ABHD11: variants seen among roughly 807,000 people sequenced by gnomAD.
ABHD11 encodes the protein sn-1-specific diacylglycerol lipase ABHD11.
In ABHD11, 26 loss-of-function variants were observed where a neutral mutation model predicts 29.0. The ratio of observed to expected loss-of-function variants is 0.90; its 90% CI spans 0.66 to 1.24. The LOEUF (loss-of-function observed/expected upper bound fraction) is 1.24, where lower values mean the gene tolerates loss of function less well. Among genes scored for constraint, ABHD11 ranks in the 50% most tolerant of loss-of-function variants. The probability of loss-of-function intolerance (pLI) is 0.00; values close to 1 mark genes in which losing one functional copy is unlikely to be tolerated. For missense variants in ABHD11, 381 were observed against 422.4 expected, an observed-to-expected ratio of 0.90 and a Z score of 0.86; for synonymous variants, 169 against 166.4, an observed-to-expected ratio of 1.02 and a Z score of -0.12.
intron 2 of ABHD11, chr7:73,738,081 C>A (rs1554622626): frequency 1.3e-6 from 1 of 780,692 alleles, no homozygotes; most frequent in South Asian, 1.5e-5. Flanking sequence ...CCCTAGTGAA[C>A]AAGCAGGCCC....
rs782310585 is a variant in ABHD11 at position 73,736,946 on chromosome 7, TCCA to T, written c.768_770del (p.Gly257del). 2.2e-5 allele frequency: 36 copies of T among 1,613,486 alleles called. No individual in the cohort carries two copies. Among genetic ancestry groups the T allele is most frequent in the Non-Finnish European group, 3.1e-5 (36 of 1,179,974 alleles). ...TAGCTTACTGCACGAACTGGGAGTT[TCCA>T]CCAAGGAGAAAGAGTGTTGGCCCGA... is the stretch of plus-strand genomic sequence containing the variant. On this transcript the variant is annotated inframe_deletion, in exon 5 of 6. Transcript: ENST00000222800.
chr7:73,738,277 C>T, intron 2 of ABHD11, 51 bp downstream of exon 2: 1 of 1,374,078 alleles, frequency 7.3e-7, no homozygotes, highest in Non-Finnish European at 1.0e-6. Flanking sequence ...CTCTCAGGCC[C>T]CGCCCACTCC....
At chr7:73,737,915 G>T in intron 2 of ABHD11, 180 bp from the exon 3 acceptor site, 1 of 980,238 alleles carries the variant, frequency 1.0e-6, no homozygotes, top group Non-Finnish European at 1.6e-6. Flanking sequence ...CACTCTGCCA[G>T]AGAAGAGCAG....
chr7:73,738,278 C>CCCCCCCAACCCCCCCCCCCCCAAA, intron 2 of ABHD11, 50 bp downstream of exon 2: 1 of 1,395,842 alleles, frequency 7.2e-7, no homozygotes. Context: ...TCTCAGGCCC[C>CCCCCCCAACCCCCCCCCCCCCAAA]GCCCACTCCC....
rs1800272538 is a variant in ABHD11, at chr7:73,738,785, G to C, written c.-15C>G. 1 of 1,596,212 alleles carries C rather than the reference G, an allele frequency of 6.3e-7. No homozygotes were observed. Among genetic ancestry groups the C allele is most frequent in the East Asian group, 2.3e-5 (1 of 44,412 alleles). On this transcript the variant is annotated 5_prime_UTR_variant, in exon 1 of 6. Transcript: ENST00000222800. ...CAGCGGAGCATGCTTGCAAGCTGTTGGCCGGCTCGCATCTCACAAGGTACG... is the reference window on the plus strand; with the variant it reads ...CAGCGGAGCATGCTTGCAAGCTGTTCGCCGGCTCGCATCTCACAAGGTACG...
rs1800013811 is a variant in ABHD11, at chr7:73,737,397, G to A, written c.436-6C>T. 1.6e-5 allele frequency: 25 copies of A among 1,608,754 alleles called. No individual in the cohort carries two copies. The highest frequency in any genetic ancestry group is 2.0e-5 in the Non-Finnish European group (24 of 1,177,126). ...AGACGTTCCACCAGCTCTGGCTGTGGGAGAGAACCGAACTGGGACCAGTCT... is the reference window on the plus strand; with the variant it reads ...AGACGTTCCACCAGCTCTGGCTGTGAGAGAGAACCGAACTGGGACCAGTCT... On this transcript the variant is annotated splice_region_variant and splice_polypyrimidine_tract_variant and intron_variant, in intron 3 of 5. Transcript: ENST00000222800.
Position 73,737,706 on chromosome 7 carries a change from A to G in ABHD11, c.291T>C (p.Gly97=). 1 of 1,613,210 alleles carries G rather than the reference A, an allele frequency of 6.2e-7. No homozygotes were observed. The highest frequency in any genetic ancestry group is 8.5e-7 in the Non-Finnish European group (1 of 1,179,624). The change falls in exon 3 of 6, where the codon GGT becomes GGC. Residue 97 remains glycine (G), a synonymous_variant. Coordinates refer to ENST00000222800, the MANE Select transcript of ABHD11 (RefSeq NM_148912.4). ...TCATGTCTGGGCTGTGGGGGCTGTC[A>G]CCGTGGTTACGAGCATCCACCGTCA... ...RVLTVDARNH[G]DSPHSPDMSY...
At chr7:73,736,802 T>A in intron 5 of ABHD11, 111 bp from the exon 6 acceptor site, 1 of 1,581,454 alleles carries the variant, frequency 6.3e-7, no homozygotes, top group South Asian at 1.2e-5. Flanking sequence ...TGTGAGCCCA[T>A]ATGCCCGGTG....
At chr7:73,737,174 A>G in intron 4 of ABHD11, 47 bp downstream of exon 4, 1 of 1,613,680 alleles carries the variant, frequency 6.2e-7, no homozygotes, top group South Asian at 1.1e-5. Context: ...TCTTCCCTTG[A>G]CAGGTCCTGG....
Position 73,738,357 on chromosome 7 carries a change from TGGC to T in ABHD11, c.229_231del (p.Ala77del), listed in dbSNP as rs781829326. ...CGGCCTGTCTGCTGGGCCAAGATCT[TGGC>T]GATGGAGTTGAAGTTAGTTTTGCTG... On this transcript the variant is annotated inframe_deletion, in exon 2 of 6. Transcript: ENST00000222800. 6.2e-7 allele frequency: 1 copy of T among 1,612,568 alleles called. No homozygotes were observed. Among genetic ancestry groups the T allele is most frequent in the Non-Finnish European group, 8.5e-7 (1 of 1,179,404 alleles).
rs1554623166 is a variant in ABHD11, at chr7:73,738,800, C to T, written c.-30G>A. ...GCAAGCTGTTGGCCGGCTCGCATCTCACAAGGTACGTCCTCCCCGCGCTCC... is the reference window on the plus strand; with the variant it reads ...GCAAGCTGTTGGCCGGCTCGCATCTTACAAGGTACGTCCTCCCCGCGCTCC... On this transcript the variant is annotated 5_prime_UTR_variant, in exon 1 of 6. Coordinates refer to ENST00000222800, the MANE Select transcript of ABHD11 (RefSeq NM_148912.4). 1 of 1,582,898 alleles carries T rather than the reference C, an allele frequency of 6.3e-7. No individual in the cohort carries two copies. Among genetic ancestry groups the T allele is most frequent in the Admixed American group, 1.8e-5 (1 of 55,230 alleles).
chr7:73,736,555 ACT>A lies in ABHD11; in HGVS notation c.*2_*3del. The A allele has an allele frequency of 6.2e-7, 1 of 1,613,308 alleles. No homozygotes were observed. Among genetic ancestry groups the A allele is most frequent in the Non-Finnish European group, 8.5e-7 (1 of 1,179,824 alleles). ...ACGCCCGGCCATCTTCTTGCCAGCA[ACT>A]CTTAGACCAGGAAGCCTCGGATGGC... is the stretch of plus-strand genomic sequence containing the variant. On this transcript the variant is annotated 3_prime_UTR_variant, in exon 6 of 6. Coordinates refer to ENST00000222800, the MANE Select transcript of ABHD11 (RefSeq NM_148912.4).
At chr7:73,737,486 T>C in intron 3 of ABHD11, 76 bp downstream of exon 3, 2 of 1,561,382 alleles carry the variant, frequency 1.3e-6, no homozygotes, top group Non-Finnish European at 8.7e-7. Context: ...CCAACGATCA[T>C]GTGAGTCCCA....
chr7:73,738,305 G>GCCC, intron 2 of ABHD11, 23 bp downstream of exon 2: 1 of 1,556,308 alleles, frequency 6.4e-7, no homozygotes, highest in Non-Finnish European at 8.8e-7. Flanking sequence ...CCCCAAAGGA[G>GCCC]CCCCGCCCAC....
At position 73,736,651 on chromosome 7, in the gene ABHD11, C is replaced by A. The variant is rs1554621830; in HGVS notation, c.829G>T (p.Ala277Ser). 4 of 1,613,946 alleles carry A rather than the reference C, an allele frequency of 2.5e-6. No individual in the cohort carries two copies. The East Asian group carries it at 8.9e-5, about 36-fold the overall frequency. The change falls in exon 6 of 6, where the codon GCC (alanine) becomes TCC (serine). Residue 277 changes from alanine (A) to serine (S), a missense_variant. Physicochemically the swap from Ala to Ser is moderately conservative, Grantham distance 99 (BLOSUM62 1). Coordinates refer to ENST00000222800, the MANE Select transcript of ABHD11 (RefSeq NM_148912.4). ...GCGTTCGGCACCGTCTGCATCTGGG[C>A]CCGAGGGAAGAGCCGCATAATCTCA... is the stretch of plus-strand genomic sequence containing the variant. Reference protein sequence around the residue: ...HPEIMRLFPRAQMQTVPNAGH... With the variant: ...HPEIMRLFPRSQMQTVPNAGH...
chr7:73,736,538 C>T lies in ABHD11; in HGVS notation c.*21G>A, dbSNP rs1204206886. The T allele has an allele frequency of 1.2e-6, 2 of 1,612,946 alleles. No homozygotes were observed. The highest frequency in any genetic ancestry group is 2.2e-5 in the East Asian group (1 of 44,880). The stretch of plus-strand genomic sequence containing the variant: ...TACAGGCATGAGCCACCACGCCCGG[C>T]CATCTTCTTGCCAGCAACTCTTAGA... On this transcript the variant is annotated 3_prime_UTR_variant, in exon 6 of 6. Transcript: ENST00000222800.
rs782714473 is a variant in ABHD11, at chr7:73,738,622, T to C, written c.125+24A>G. On this transcript the variant is annotated intron_variant, in intron 1 of 5. Coordinates refer to ENST00000222800, the MANE Select transcript of ABHD11 (RefSeq NM_148912.4). ...AGGAAAAGGAGGACAGAGGATGGCC[T>C]CCCGCCCGGTGCCCTTGACTGACCT... 3 of 1,582,812 alleles carry C rather than the reference T, an allele frequency of 1.9e-6. No individual in the cohort carries two copies. The African/African-American group carries it at 4.0e-5, about 21-fold the overall frequency.
In ABHD11 at chr7:73,738,332, C is replaced by T; in HGVS notation, c.257G>A (p.Arg86His). The T allele has an allele frequency of 6.6e-7, 1 of 1,508,768 alleles. No homozygotes were observed. The allele number at this position is 1,508,768 out of a possible 1,614,324, so 93.5% of individuals were successfully genotyped here. A position where few individuals can be genotyped will look rare whatever the true frequency, so the allele number is the denominator to read the frequency against. The change falls in exon 2 of 6, where the codon CGT becomes CAT. Residue 86 changes from arginine (R) to histidine (H), a missense_variant. Arg to His is a conservative substitution (Grantham distance 29). Transcript: ENST00000222800. Reference sequence around the variant, plus strand: ...CCCGCCCACTCGAAAGCTCACCCTACGGCCTGTCTGCTGGGCCAAGATCTT... The same window carrying T: ...CCCGCCCACTCGAAAGCTCACCCTATGGCCTGTCTGCTGGGCCAAGATCTT... ...IAKILAQQTG[R>H]RVLTVDARNH...
At chr7:73,738,255 CTG>C in intron 2 of ABHD11, 71 bp downstream of exon 2, 2 of 1,343,024 alleles carry the variant, frequency 1.5e-6, no homozygotes, top group African/African-American at 3.0e-5. Flanking sequence ...GGGACCCCCC[CTG>C]CCCCGCCTCC....
Sources: gnomAD v4.1 joint callset for allele counts on GRCh38, gnomAD v4.1.1 for gene constraint, MANE v1.5 for transcripts, NCBI Gene and HGNC (gene_info 2026-07-23, HGNC 2026-07-21) for gene names.